The following LPP variants were observed in gnomAD, a reference collection of about 807,000 sequenced individuals.
The protein encoded by LPP is lipoma-preferred partner.
In LPP, 38 loss-of-function variants were observed where a neutral mutation model predicts 60.4. The observed-to-expected ratio is 0.63, with a 90% CI of 0.49 to 0.83. LPP has a LOEUF of 0.83. Ranked by LOEUF, LPP falls within the 40% of genes least tolerant of loss-of-function variation. The probability of loss-of-function intolerance (pLI) is 0.00; values close to 1 mark genes in which losing one functional copy is unlikely to be tolerated. For missense variants in LPP, 902 were observed against 783.6 expected, an observed-to-expected ratio of 1.15 and a Z score of -1.80; for synonymous variants, 328 against 290.8, an observed-to-expected ratio of 1.13 and a Z score of -1.30.
At chr3:188,228,214 G>C (rs189943434) in intron 2 of LPP, among the ~76,000 whole-genome samples, 37 of 152,358 alleles carry the variant, frequency 2.4e-4, no homozygotes, top group African/African-American at 8.9e-4. Flanking sequence ...TCTGCTGCAA[G>C]ATTCTGGGAC....
intron 4 of LPP, among the ~76,000 whole-genome samples, chr3:188,452,546 C>T (rs1012779399): frequency 3.9e-5 from 6 of 152,068 alleles, no homozygotes; most frequent in Admixed American, 2.6e-4. Context: ...TGACGTGTAT[C>T]GAAAAGGAAA....
chr3:188,327,152 C>T (rs1479809765), intron 2 of LPP, among the ~76,000 whole-genome samples: 1 of 152,128 alleles, frequency 6.6e-6, no homozygotes, highest in Non-Finnish European at 1.5e-5. Context: ...TCATTCCTGG[C>T]CAAAGACTGA....
chr3:188,628,384 C>A (rs956839327), intron 7 of LPP, among the ~76,000 whole-genome samples: 1 of 151,556 alleles, frequency 6.6e-6, no homozygotes, highest in African/African-American at 2.4e-5. Context: ...CAAAGAGAAC[C>A]AAATAAACAC....
At chr3:188,204,541 A>T (rs924632157) in intron 1 of LPP, among the ~76,000 whole-genome samples, 1 of 152,156 alleles carries the variant, frequency 6.6e-6, no homozygotes, top group African/African-American at 2.4e-5. Context: ...AACAATGGCA[A>T]TATTTTTTAT....
At chr3:188,823,160 T>C (rs1048151858) in intron 9 of LPP, among the ~76,000 whole-genome samples, 6 of 152,172 alleles carry the variant, frequency 3.9e-5, no homozygotes, top group Admixed American at 3.3e-4. Context: ...TCTTAGCCTT[T>C]CTAGAAGAGA....
rs11448997 is a variant in LPP, at chr3:188,878,759, TA to T, written c.*4296del. 0.092 allele frequency: 14,261 copies of T among 155,756 alleles called. 424 individuals carry two copies. The highest frequency in any genetic ancestry group is 0.11 in the Middle Eastern group (42 of 398). The allele number at this position is 155,756 out of a possible 1,614,324, so 9.6% of individuals were successfully genotyped here. The stretch of plus-strand genomic sequence containing the variant: ...ATATACTCACCAAAAAGTAAAAAAG[TA>T]AAAAAAAAAAAAAAAGAAAGAAAGA... On this transcript the variant is annotated 3_prime_UTR_variant, in exon 12 of 12. Transcript: ENST00000617246.
chr3:188,377,416 T>G (rs1040279265), intron 3 of LPP, among the ~76,000 whole-genome samples: 3 of 152,190 alleles, frequency 2.0e-5, no homozygotes, highest in Admixed American at 2.0e-4. Flanking sequence ...TTTTTATTCC[T>G]TTTTCTCTGA....
intron 7 of LPP, among the ~76,000 whole-genome samples, chr3:188,614,250 GA>G (rs1844441862): frequency 6.6e-6 from 1 of 152,096 alleles, no homozygotes; most frequent in Admixed American, 6.6e-5. Flanking sequence ...TTTGAAAAGA[GA>G]AAGTTATATA....
chr3:188,840,521 C>G (rs1406495943), intron 9 of LPP, among the ~76,000 whole-genome samples: 2 of 152,188 alleles, frequency 1.3e-5, no homozygotes, highest in Admixed American at 1.3e-4. Context: ...TTTATTTAGA[C>G]AGAGTCTTGC....
intron 2 of LPP, among the ~76,000 whole-genome samples, chr3:188,248,468 T>TTATATATATGTATATA (rs1727816872): frequency 1.2e-5 from 1 of 84,142 alleles, no homozygotes; most frequent in Non-Finnish European, 2.2e-5. Context: ...CAGTATAACT[T>TTATATATATGTATATA]TATATATATA....
intron 2 of LPP, among the ~76,000 whole-genome samples, chr3:188,238,561 C>A (rs1722703210): frequency 6.6e-6 from 1 of 152,004 alleles, no homozygotes; most frequent in Non-Finnish European, 1.5e-5. Context: ...ATTAATTGGC[C>A]TAATTTCAGT....
At chr3:188,390,501 G>T (rs1385488948) in intron 3 of LPP, among the ~76,000 whole-genome samples, 1 of 151,742 alleles carries the variant, frequency 6.6e-6, no homozygotes, top group Non-Finnish European at 1.5e-5. Context: ...AGGCAGGATT[G>T]TTGTCTCCAT....
At position 188,352,371 on chromosome 3, in the gene LPP, T is replaced by C. The variant is rs1487508559; in HGVS notation, c.-10+10652T>C. 6.6e-6 allele frequency among the ~76,000 whole-genome samples: 1 copy of C among 152,196 alleles called. No homozygotes were observed. Among genetic ancestry groups the C allele is most frequent in the Non-Finnish European group, 1.5e-5 (1 of 68,030 alleles). On this transcript the variant is annotated intron_variant, in intron 3 of 11. Coordinates refer to ENST00000617246, the MANE Select transcript of LPP (RefSeq NM_001375462.1). This position sits in a 1 kb window ranked among gnomAD's most constrained non-coding sequence, Gnocchi z 4.4. ...GTGAGCGGTGTTGCCATGACACTCC[T>C]TGGGCTCTGTTTAGATCAGCTATTT...
At chr3:188,248,088 G>T (rs569122784) in intron 2 of LPP, among the ~76,000 whole-genome samples, 2 of 152,098 alleles carry the variant, frequency 1.3e-5, no homozygotes, top group East Asian at 3.9e-4. Context: ...TTCTCTGATG[G>T]TATCTTGCTT....
intron 7 of LPP, among the ~76,000 whole-genome samples, chr3:188,667,673 C>G (rs1053171552): frequency 4.7e-5 from 7 of 148,842 alleles, no homozygotes; most frequent in African/African-American, 1.2e-4. Flanking sequence ...ATCTAGTGTG[C>G]TAATCTTTTT....
At chr3:188,593,587 T>A (rs988367628) in intron 6 of LPP, among the ~76,000 whole-genome samples, 1 of 151,818 alleles carries the variant, frequency 6.6e-6, no homozygotes, top group African/African-American at 2.4e-5. Flanking sequence ...TTTTTTCCCA[T>A]GCTCCCCTCC....
intron 2 of LPP, among the ~76,000 whole-genome samples, chr3:188,262,692 TCTCTCTC>T (rs1158343865): frequency 2.0e-5 from 3 of 148,850 alleles, no homozygotes; most frequent in Non-Finnish European, 2.9e-5. Flanking sequence ...CTCTTCTTTC[TCTCTCTC>T]CTCTCTCCTC....
chr3:188,405,425 C>T (rs1783225689), intron 3 of LPP, among the ~76,000 whole-genome samples: 1 of 152,166 alleles, frequency 6.6e-6, no homozygotes, highest in Non-Finnish European at 1.5e-5. Flanking sequence ...CTTTTGCTTG[C>T]TACTTTCTGT....
At chr3:188,458,929 G>A (rs1476825575) in intron 4 of LPP, among the ~76,000 whole-genome samples, 1 of 151,828 alleles carries the variant, frequency 6.6e-6, no homozygotes, top group African/African-American at 2.4e-5. Flanking sequence ...ATGTTATTGG[G>A]TAAGGGTTTA....
Sources: gnomAD v4.1 joint callset for allele counts (sites outside exome capture counted in the v4.1 genomes callset) on GRCh38, gnomAD v4.1.1 for gene constraint, Gnocchi (gnomAD v3.1) non-coding constraint, MANE v1.5 for transcripts, NCBI Gene and HGNC (gene_info 2026-07-23, HGNC 2026-07-21) for gene names.